The following UTS2 variants were observed in gnomAD, a reference collection of about 807,000 sequenced individuals.
The protein encoded by UTS2 is urotensin 2.
A neutral mutation model predicts 12.6 loss-of-function variants in UTS2; 10 were observed. That is an observed-to-expected ratio of 0.80 (90% CI 0.49 to 1.35). UTS2 has a LOEUF of 1.35. Among genes scored for constraint, UTS2 ranks in the 40% most tolerant of loss-of-function variants. The pLI is 0.00. For missense variants in UTS2, 142 were observed against 143.2 expected, an observed-to-expected ratio of 0.99 and a Z score of 0.04; for synonymous variants, 52 against 50.0, an observed-to-expected ratio of 1.04 and a Z score of -0.17.
At chr1:7,910,441 C>A in the UTS2 span, among the ~76,000 whole-genome samples, 1 of 152,080 alleles carries the variant, frequency 6.6e-6, no homozygotes, top group African/African-American at 2.4e-5. Flanking sequence ...TACACAGAAC[C>A]CCCAGGGTCT....
At chr1:7,865,930 G>A in the UTS2 span, among the ~76,000 whole-genome samples, 101,784 of 152,060 alleles carry the variant, frequency 0.67, 35,015 homozygotes, top group South Asian at 0.86. Context: ...GTGAGACCCC[G>A]TCTCAAATAA....
At chr1:7,863,036 TTGTATTGTATTG>T in the UTS2 span, among the ~76,000 whole-genome samples, 951 of 32,934 alleles carry the variant, frequency 0.029, 38 homozygotes, top group South Asian at 0.054. Context: ...TTGTATTGTA[TTGTATTGTATTG>T]TATTGTATTG....
intron 3 of UTS2, 43 bp downstream of exon 3, chr1:7,849,597 A>G (rs1191247191): frequency 6.5e-7 from 1 of 1,530,656 alleles, no homozygotes; most frequent in African/African-American, 1.4e-5. Flanking sequence ...CCAGTACAGA[A>G]TGTTCACCTT....
chr1:7,870,693 G>T, the UTS2 span, among the ~76,000 whole-genome samples: 66 of 152,330 alleles, frequency 4.3e-4, 1 homozygote, highest in Non-Finnish European at 7.9e-4. Context: ...GTCCTCCAGT[G>T]TAGAGAATAG....
the UTS2 span, among the ~76,000 whole-genome samples, chr1:7,862,990 G>GTTGTATTGTAATGTA: frequency 4.8e-5 from 2 of 41,356 alleles, no homozygotes; most frequent in Admixed American, 2.7e-4. Flanking sequence ...ATTGTGTTGT[G>GTTGTATTGTAATGTA]TTGTATTGTA....
chr1:7,880,818 A>T, the UTS2 span, among the ~76,000 whole-genome samples: 1 of 152,230 alleles, frequency 6.6e-6, no homozygotes, highest in Non-Finnish European at 1.5e-5. Context: ...TTACCCTGAT[A>T]CCAAACCCAG....
At chr1:7,896,337 A>G in the UTS2 span, among the ~76,000 whole-genome samples, 3 of 152,312 alleles carry the variant, frequency 2.0e-5, no homozygotes, top group South Asian at 6.2e-4. Flanking sequence ...CAGAGGTTAA[A>G]ACTTCATCAA....
At chr1:7,861,918 T>TA in the UTS2 span, among the ~76,000 whole-genome samples, 1 of 151,724 alleles carries the variant, frequency 6.6e-6, no homozygotes, top group Non-Finnish European at 1.5e-5. Flanking sequence ...AACACCTCTT[T>TA]TTTTTTTTTT....
At chr1:7,872,321 G>GAAAAA in the UTS2 span, among the ~76,000 whole-genome samples, 7 of 86,064 alleles carry the variant, frequency 8.1e-5, no homozygotes, top group African/African-American at 2.8e-4. Flanking sequence ...AAAAAAAAAG[G>GAAAAA]AAAAGAAAAA....
chr1:7,883,091 A>T, the UTS2 span, among the ~76,000 whole-genome samples: 2 of 152,216 alleles, frequency 1.3e-5, no homozygotes, highest in Non-Finnish European at 2.9e-5. Context: ...TCCCATGTTT[A>T]TTGCAGCACT....
chr1:7,909,499 GCAC>G, the UTS2 span, among the ~76,000 whole-genome samples: 2 of 138,952 alleles, frequency 1.4e-5, no homozygotes, highest in African/African-American at 5.5e-5. Flanking sequence ...AGCTGAGATC[GCAC>G]CACTACACTA....
At chr1:7,906,500 AAAG>A in the UTS2 span, among the ~76,000 whole-genome samples, 1 of 151,008 alleles carries the variant, frequency 6.6e-6, no homozygotes, top group Non-Finnish European at 1.5e-5. Flanking sequence ...AGAAAGAAAG[AAAG>A]AAAGAAAAGA....
the UTS2 span, among the ~76,000 whole-genome samples, chr1:7,913,070 C>G: frequency 6.6e-6 from 1 of 151,092 alleles, no homozygotes; most frequent in South Asian, 2.1e-4. Context: ...AGCTAATAGT[C>G]GATTTACAAA....
chr1:7,882,903 C>CA, the UTS2 span, among the ~76,000 whole-genome samples: 29 of 151,750 alleles, frequency 1.9e-4, no homozygotes, highest in African/African-American at 5.8e-4. Context: ...ATCAAAAAGA[C>CA]AAAAAAATAA....
chr1:7,906,233 A>C, the UTS2 span, among the ~76,000 whole-genome samples: 3 of 151,964 alleles, frequency 2.0e-5, no homozygotes, highest in African/African-American at 7.3e-5. Context: ...CTAAATATTG[A>C]AATGGGAATC....
the UTS2 span, among the ~76,000 whole-genome samples, chr1:7,866,156 G>T: frequency 6.6e-6 from 1 of 152,168 alleles, no homozygotes; most frequent in Non-Finnish European, 1.5e-5. This position sits in a 1 kb window ranked among gnomAD's most constrained non-coding sequence, Gnocchi z 4.5. Flanking sequence ...TTGCCTGTGG[G>T]TGAGCAGTTG....
the UTS2 span, among the ~76,000 whole-genome samples, chr1:7,889,247 G>C: frequency 9.5e-6 from 1 of 104,920 alleles, no homozygotes; most frequent in Non-Finnish European, 1.8e-5. Context: ...AACATAGGAA[G>C]ACCTCATTTC....
At chr1:7,864,768 C>T in the UTS2 span, among the ~76,000 whole-genome samples, 1 of 152,198 alleles carries the variant, frequency 6.6e-6, no homozygotes, top group African/African-American at 2.4e-5. Flanking sequence ...CTGTGCTCTG[C>T]CTCTATGCAT....
At chr1:7,908,699 A>G in the UTS2 span, among the ~76,000 whole-genome samples, 1 of 152,084 alleles carries the variant, frequency 6.6e-6, no homozygotes, top group Admixed American at 6.6e-5. Flanking sequence ...ATAAAGACAT[A>G]ATTGAGACTG....
Sources: allele counts gnomAD v4.1 joint callset (sites outside exome capture counted in the v4.1 genomes callset), GRCh38; gene constraint gnomAD v4.1.1; non-coding constraint Gnocchi (gnomAD v3.1); transcripts MANE v1.5; gene names NCBI Gene and HGNC (gene_info 2026-07-23, HGNC 2026-07-21).